SPTAN1: variants seen among roughly 807,000 people sequenced by gnomAD.
SPTAN1 encodes the protein spectrin alpha, non-erythrocytic 1.
Under a neutral mutation model 331.3 loss-of-function variants are expected in SPTAN1, and 61 were observed. The observed-to-expected ratio is 0.18, with a 90% confidence interval of 0.15 to 0.23. The LOEUF is 0.23. Ranked by LOEUF, SPTAN1 falls within the 10% of genes least tolerant of loss-of-function variation. The probability of loss-of-function intolerance (pLI) is 1.00; values close to 1 mark genes in which losing one functional copy is unlikely to be tolerated. For missense variants in SPTAN1, 2,043 were observed against 3,147.9 expected, an observed-to-expected ratio of 0.65 and a Z score of 8.40; for synonymous variants, 1,153 against 1,173.9, an observed-to-expected ratio of 0.98 and a Z score of 0.36.
intron 3 of SPTAN1, among the ~76,000 whole-genome samples, chr9:128,574,028 C>G (rs113312491): frequency 0.029 from 4,430 of 152,302 alleles, 195 homozygotes; most frequent in African/African-American, 0.1. Flanking sequence ...GCTGGAATTA[C>G]AGGCATGAGC....
chr9:128,586,327 C>T (rs193019880), intron 19 of SPTAN1, among the ~76,000 whole-genome samples: 1 of 151,820 alleles, frequency 6.6e-6, no homozygotes, highest in African/African-American at 2.4e-5. Context: ...GAGACAGGGT[C>T]TCGCTATGTT....
At chr9:128,576,675 T>G in intron 5 of SPTAN1, 148 bp from the exon 6 acceptor site, 1 of 1,084,070 alleles carries the variant, frequency 9.2e-7, no homozygotes, top group Non-Finnish European at 1.4e-6. Flanking sequence ...GGAGTTGTAG[T>G]TCACTTTGTA....
At chr9:128,601,021 T>C (rs1855077450) in intron 27 of SPTAN1, among the ~76,000 whole-genome samples, 1 of 119,106 alleles carries the variant, frequency 8.4e-6, no homozygotes, top group South Asian at 3.1e-4. Context: ...TCTCGCTCTG[T>C]TGCCCAGGCT....
chr9:128,590,625 G>A (rs536968453), intron 21 of SPTAN1, among the ~76,000 whole-genome samples: 2 of 151,864 alleles, frequency 1.3e-5, no homozygotes, highest in African/African-American at 4.8e-5. Flanking sequence ...GCTGAGGTGG[G>A]TGGATCATGT....
rs768756400 is a variant in SPTAN1 at position 128,582,861 on chromosome 9, T to C, written c.1806+12T>C. 6.2e-7 allele frequency: 1 copy of C among 1,611,924 alleles called. No individual in the cohort carries two copies. The highest frequency in any genetic ancestry group is 1.1e-5 in the South Asian group (1 of 91,010). On this transcript the variant is annotated intron_variant, in intron 14 of 56. Coordinates refer to ENST00000372739, the MANE Select transcript of SPTAN1 (RefSeq NM_001130438.3). ...ATGAAGCTTATAAAGTAATGTACTGTTAGTGTTGCCATGTAGCACTCGATT... is the reference window on the plus strand; with the variant it reads ...ATGAAGCTTATAAAGTAATGTACTGCTAGTGTTGCCATGTAGCACTCGATT...
intron 43 of SPTAN1, among the ~76,000 whole-genome samples, 155 bp downstream of exon 43, chr9:128,618,263 A>G (rs1419166946): frequency 1.3e-5 from 2 of 151,990 alleles, no homozygotes; most frequent in East Asian, 1.9e-4. Flanking sequence ...GCCACCTCCT[A>G]CAGGCCATGC....
chr9:128,627,887 C>T lies in SPTAN1; in HGVS notation c.6690-38C>T, dbSNP rs775368425. On this transcript the variant is annotated intron_variant, in intron 50 of 56. Transcript: ENST00000372739. This position sits in a 1 kb window ranked among gnomAD's most constrained non-coding sequence, Gnocchi z 4.9. ...CCGATTGCTGCTGTTGTCCGGACAC[C>T]ACCTTGTCTCCCGGCTGCTTGGATC... 1.9e-6 allele frequency: 3 copies of T among 1,613,804 alleles called. No homozygotes were observed. The highest frequency in any genetic ancestry group is 2.5e-6 in the Non-Finnish European group (3 of 1,179,702).
intron 45 of SPTAN1, among the ~76,000 whole-genome samples, chr9:128,622,518 C>T (rs574288711): frequency 6.6e-6 from 1 of 151,926 alleles, no homozygotes; most frequent in African/African-American, 2.4e-5. Context: ...AGGCTGGTCT[C>T]GAACTCCTGA....
intron 20 of SPTAN1, 74 bp downstream of exon 20, chr9:128,587,772 A>T (rs570885419): frequency 8.2e-7 from 1 of 1,215,416 alleles, no homozygotes; most frequent in African/African-American, 1.5e-5. Context: ...AGGTGTTCCT[A>T]TCATAGGCCC....
In SPTAN1 at chr9:128,591,554, G is replaced by T; in HGVS notation, c.3084G>T (p.Gln1028His). The T allele has an allele frequency of 6.2e-7, 1 of 1,614,208 alleles. No homozygotes were observed. The highest frequency in any genetic ancestry group is 8.5e-7 in the Non-Finnish European group (1 of 1,180,026). ...AAYVKKLDPA[Q>H]SASRENLLEE... ...ACGTGAAGAAATTGGACCCCGCCCA[G>T]TCAGCCTCCCGGGAGAATCTCCTGG... The change falls in exon 22 of 57, where the codon CAG becomes CAT. Residue 1028 changes from glutamine (Q) to histidine (H), a missense_variant. Transcript: ENST00000372739.
intron 45 of SPTAN1, among the ~76,000 whole-genome samples, chr9:128,622,776 G>A (rs551786950): frequency 1.9e-4 from 28 of 148,044 alleles, no homozygotes; most frequent in South Asian, 8.4e-4. Flanking sequence ...TTTTTTAGAC[G>A]GAGTCTCACT....
Position 128,605,181 on chromosome 9 carries a change from G to C in SPTAN1, c.3864+3G>C, listed in dbSNP as rs760403309. The C allele has an allele frequency of 1.2e-6, 2 of 1,614,064 alleles. No individual in the cohort carries two copies. Among genetic ancestry groups the C allele is most frequent in the Non-Finnish European group, 1.7e-6 (2 of 1,180,012 alleles). On this transcript the variant is annotated splice_donor_region_variant and intron_variant, in intron 30 of 56. Transcript: ENST00000372739. ...ACCTTGCGGCTCTCGGTGACAAGGT[G>C]AGAGGACCCAAAGTCATCTTCTGTC... is the stretch of plus-strand genomic sequence containing the variant.
intron 34 of SPTAN1, 84 bp from the exon 35 acceptor site, chr9:128,608,790 T>C (rs1244475521): frequency 1.5e-6 from 2 of 1,344,422 alleles, no homozygotes; most frequent in Non-Finnish European, 2.1e-6. Context: ...TCACCCAAAA[T>C]AACTATCCTT....
chr9:128,632,423 T>TC lies in SPTAN1; in HGVS notation c.6960-7dup. Reference sequence around the variant, plus strand: ...GGGTCTGTTCCCTAATTTCTGTTTTTCTTCCAGGAACACAACAGGTGTGAC... The same window carrying TC: ...GGGTCTGTTCCCTAATTTCTGTTTTTCCTTCCAGGAACACAACAGGTGTGAC... On this transcript the variant is annotated splice_polypyrimidine_tract_variant and splice_region_variant and intron_variant, in intron 53 of 56. Coordinates refer to ENST00000372739, the MANE Select transcript of SPTAN1 (RefSeq NM_001130438.3). 6.2e-7 allele frequency: 1 copy of TC among 1,614,144 alleles called. No individual in the cohort carries two copies. Among genetic ancestry groups the TC allele is most frequent in the Non-Finnish European group, 8.5e-7 (1 of 1,180,028 alleles).
At chr9:128,609,550 C>A in intron 36 of SPTAN1, 101 bp from the exon 37 acceptor site, 1 of 1,070,262 alleles carries the variant, frequency 9.3e-7, no homozygotes, top group Non-Finnish European at 1.4e-6. Flanking sequence ...AAATGCTGAG[C>A]TTCCTGGGGG....
Position 128,625,890 on chromosome 9 carries a change from C to G in SPTAN1, c.6191C>G (p.Ala2064Gly). Residue 2064 changes from alanine (A) to glycine (G), a missense_variant, in exon 48 of 57, where the codon GCC becomes GGC. Ala to Gly is a moderately conservative substitution (Grantham distance 60). This residue lies in a region of SPTAN1 where 256 missense variants were observed against 376.4 expected (regional missense o/e 0.68). Coordinates refer to ENST00000372739, the MANE Select transcript of SPTAN1 (RefSeq NM_001130438.3). This position sits in a 1 kb window ranked among gnomAD's most constrained non-coding sequence, Gnocchi z 4.1. Reference protein sequence around the residue: ...VQSKAIEARHASLMKRWSQLL... With the variant: ...VQSKAIEARHGSLMKRWSQLL... ...TCCAAGGCCATCGAGGCCCGGCACG[C>G]CTCCCTCATGAAGAGGTGGAGCCAG... 1 of 1,614,226 alleles carries G rather than the reference C, an allele frequency of 6.2e-7. No homozygotes were observed.
At chr9:128,606,502 G>GC (rs1855902441) in intron 31 of SPTAN1, among the ~76,000 whole-genome samples, 3 of 148,248 alleles carry the variant, frequency 2.0e-5, no homozygotes, top group African/African-American at 7.4e-5. Flanking sequence ...TTTTTTGGGG[G>GC]GGGAAGCGTT....
At chr9:128,600,666 GTT>G (rs927572994) in intron 27 of SPTAN1, among the ~76,000 whole-genome samples, 4 of 152,186 alleles carry the variant, frequency 2.6e-5, no homozygotes, top group Admixed American at 2.0e-4. Context: ...GTGTTTTTTT[GTT>G]TTGTTTTGTT....
chr9:128,597,183 A>T (rs1033490586), intron 24 of SPTAN1, among the ~76,000 whole-genome samples: 16 of 151,788 alleles, frequency 1.1e-4, no homozygotes, highest in Admixed American at 7.9e-4. Flanking sequence ...AAGAAAAAAA[A>T]TTTTTCTGTA....
Sources: gnomAD v4.1 joint callset for allele counts (sites outside exome capture counted in the v4.1 genomes callset) on GRCh38, gnomAD v4.1.1 for gene constraint, gnomAD v4.1.1 regional missense constraint, Gnocchi (gnomAD v3.1) non-coding constraint, MANE v1.5 for transcripts, NCBI Gene and HGNC (gene_info 2026-07-23, HGNC 2026-07-21) for gene names.